Variants in YEATS4 observed in about 807,000 individuals in gnomAD.
YEATS4 encodes the protein YEATS domain containing 4, also known as YEATS domain-containing protein 4.
In YEATS4, 17 loss-of-function variants were observed where a neutral mutation model predicts 30.1. That is an observed-to-expected ratio of 0.56 (90% confidence interval 0.39 to 0.85). The LOEUF is 0.85. YEATS4 is among the 40% of genes least tolerant of loss of function. The pLI is 0.00. For synonymous variants in YEATS4, 85 were observed against 87.5 expected (o/e 0.97, Z 0.16); for missense variants, 142 against 268.3 (o/e 0.53, Z 3.29).
the YEATS4 span, among the ~76,000 whole-genome samples, chr12:69,420,499 G>T: frequency 6.6e-6 from 1 of 152,108 alleles, no homozygotes; most frequent in Non-Finnish European, 1.5e-5. Context: ...ATTTCCATCA[G>T]ATCATTGGAG....
Position 69,388,032 on chromosome 12 carries a change from T to C in YEATS4, c.515-2115T>C, listed in dbSNP as rs566407603. The stretch of plus-strand genomic sequence containing the variant: ...AAAATAAGGAAAGAACTCATTAATA[T>C]TCATTGAATTTTTTTATTTTTTTTA... On this transcript the variant is annotated intron_variant, in intron 6 of 6. Coordinates refer to ENST00000247843, the MANE Select transcript of YEATS4 (RefSeq NM_006530.4). Among the ~76,000 whole-genome samples the C allele has an allele frequency of 4.7e-5, 7 of 148,594 alleles. No individual in the cohort carries two copies. The South Asian group carries it at 1.5e-3, about 32-fold the overall frequency.
In YEATS4 at chr12:69,370,989, A is replaced by C; in HGVS notation, c.514+14A>C. On this transcript the variant is annotated intron_variant, in intron 6 of 6. Coordinates refer to ENST00000247843, the MANE Select transcript of YEATS4 (RefSeq NM_006530.4). ...ATGAAACAGAATGTAAGTGCCATGC[A>C]TTCATAATTCTGAAAAATAACGTAT... 6.3e-7 allele frequency: 1 copy of C among 1,598,394 alleles called. No individual in the cohort carries two copies. The highest frequency in any genetic ancestry group is 8.5e-7 in the Non-Finnish European group (1 of 1,173,370).
the YEATS4 span, among the ~76,000 whole-genome samples, chr12:69,418,561 C>T: frequency 6.6e-6 from 1 of 152,168 alleles, no homozygotes; most frequent in Non-Finnish European, 1.5e-5. Flanking sequence ...CTAAAACATT[C>T]ATTTGTCAAC....
chr12:69,413,186 G>C, the YEATS4 span, among the ~76,000 whole-genome samples: 1 of 151,994 alleles, frequency 6.6e-6, no homozygotes, highest in Non-Finnish European at 1.5e-5. Context: ...GCCAAGGTGG[G>C]AGGACCACTT....
chr12:69,412,608 G>A, the YEATS4 span, among the ~76,000 whole-genome samples: 11 of 152,048 alleles, frequency 7.2e-5, no homozygotes, highest in South Asian at 2.1e-4. Flanking sequence ...AGCCAAGATC[G>A]CGCCACTGCA....
At chr12:69,376,713 C>T (rs1875888018) in intron 6 of YEATS4, among the ~76,000 whole-genome samples, 2 of 152,062 alleles carry the variant, frequency 1.3e-5, no homozygotes, top group Admixed American at 6.5e-5. Context: ...GTAATACTGG[C>T]CTCATAGAAT....
the YEATS4 span, among the ~76,000 whole-genome samples, chr12:69,398,214 A>G: frequency 6.6e-6 from 1 of 152,162 alleles, no homozygotes; most frequent in African/African-American, 2.4e-5. Context: ...TTTGGCAAGC[A>G]AAAAGAATAA....
intron 6 of YEATS4, among the ~76,000 whole-genome samples, chr12:69,374,001 C>T (rs925551888): frequency 1.3e-5 from 2 of 152,174 alleles, no homozygotes; most frequent in Non-Finnish European, 2.9e-5. Context: ...TCTTTTTCTG[C>T]AAGTACCATG....
chr12:69,375,861 A>G (rs1416299271), intron 6 of YEATS4, among the ~76,000 whole-genome samples: 8 of 151,904 alleles, frequency 5.3e-5, no homozygotes, highest in Non-Finnish European at 8.8e-5. Context: ...AGTACAGTCC[A>G]GCCTGGGCTC....
chr12:69,425,866 A>G, the YEATS4 span, among the ~76,000 whole-genome samples: 1 of 151,948 alleles, frequency 6.6e-6, no homozygotes, highest in African/African-American at 2.4e-5. Context: ...CTGATGCCCC[A>G]CTTTGCACTT....
At chr12:69,384,445 G>A (rs1279616132) in intron 6 of YEATS4, among the ~76,000 whole-genome samples, 1 of 152,142 alleles carries the variant, frequency 6.6e-6, no homozygotes, top group Admixed American at 6.6e-5. Flanking sequence ...TAAGTTTTCT[G>A]TGTGATCTTT....
At chr12:69,393,613 A>G (rs1432574905), downstream of YEATS4, among the ~76,000 whole-genome samples, 2 of 152,114 alleles carry the variant, frequency 1.3e-5, no homozygotes, top group Non-Finnish European at 2.9e-5. Context: ...TTGGAGTTGG[A>G]AAGTACAATG....
At chr12:69,373,281 C>T (rs2082645304) in intron 6 of YEATS4, among the ~76,000 whole-genome samples, 1 of 152,140 alleles carries the variant, frequency 6.6e-6, no homozygotes, top group African/African-American at 2.4e-5. Context: ...TCCCTTTTCT[C>T]TGCATCCTCG....
At chr12:69,424,928 A>G in the YEATS4 span, among the ~76,000 whole-genome samples, 8 of 151,974 alleles carry the variant, frequency 5.3e-5, no homozygotes, top group African/African-American at 1.9e-4. Flanking sequence ...TTATTTATTT[A>G]TTTATTTTGA....
the YEATS4 span, among the ~76,000 whole-genome samples, chr12:69,400,697 T>TAAA: frequency 1.5e-5 from 2 of 135,182 alleles, no homozygotes; most frequent in African/African-American, 2.7e-5. Flanking sequence ...TTAAAAAGTT[T>TAAA]AAAAAAAAAA....
At chr12:69,424,752 A>C in the YEATS4 span, among the ~76,000 whole-genome samples, 1 of 151,700 alleles carries the variant, frequency 6.6e-6, no homozygotes, top group African/African-American at 2.4e-5. Context: ...CTTCCCCTTC[A>C]CCTTCTGCCA....
chr12:69,399,511 T>C, the YEATS4 span, among the ~76,000 whole-genome samples: 2 of 152,232 alleles, frequency 1.3e-5, no homozygotes, highest in Admixed American at 6.5e-5. Context: ...GATGAGGATG[T>C]GGAGAAATTG....
the YEATS4 span, among the ~76,000 whole-genome samples, chr12:69,415,014 G>A: frequency 3.3e-5 from 5 of 152,182 alleles, no homozygotes; most frequent in African/African-American, 1.2e-4. Context: ...AATTCCTGCA[G>A]GATGCATGCA....
rs531997511 is a variant in YEATS4, at chr12:69,360,051, G to A, written c.51+28G>A. The A allele has an allele frequency of 1.4e-5, 23 of 1,608,266 alleles. No individual in the cohort carries two copies. In the African/African-American group the frequency reaches 2.3e-4, roughly 16 times the overall value. ...CAGTGCCCGGACCGCCCCTCTTCCG[G>A]GGTGGCTCTCCCGCCTCGGTTCCTC... is the stretch of plus-strand genomic sequence containing the variant. On this transcript the variant is annotated intron_variant, in intron 1 of 6. Coordinates refer to ENST00000247843, the MANE Select transcript of YEATS4 (RefSeq NM_006530.4).
Sources: gnomAD v4.1 joint callset for allele counts (sites outside exome capture counted in the v4.1 genomes callset) on GRCh38, gnomAD v4.1.1 for gene constraint, MANE v1.5 for transcripts, NCBI Gene and HGNC (gene_info 2026-07-23, HGNC 2026-07-21) for gene names.